The following BDP1 variants were observed in gnomAD, a reference collection of about 807,000 sequenced individuals.
The protein encoded by BDP1 is transcription factor TFIIIB component B'' homolog.
In BDP1, 169 loss-of-function variants were observed where a neutral mutation model predicts 266.6. The ratio of observed to expected loss-of-function variants is 0.63; its 90% CI spans 0.56 to 0.72. BDP1 has a LOEUF of 0.72. Ranked by LOEUF, BDP1 falls within the 30% of genes least tolerant of loss-of-function variation. The pLI is 0.00. For missense variants in BDP1, 3,015 were observed against 3,053.8 expected (o/e 0.99, Z 0.30); for synonymous variants, 1,090 against 1,022.4 (o/e 1.07, Z -1.26).
In BDP1 at chr5:71,567,166, T is replaced by C. The variant is rs1171092695; in HGVS notation, c.*2281T>C. On this transcript the variant is annotated 3_prime_UTR_variant, in exon 39 of 39. Transcript: ENST00000358731. ...TTTTTGTAAGTTTTTAAAACTCATA[T>C]TCTGAAAAGATTTCATTCTCTTAGT... is the stretch of plus-strand genomic sequence containing the variant. The C allele has an allele frequency of 6.6e-6, 1 of 152,222 alleles. No individual in the cohort carries two copies. Among genetic ancestry groups the C allele is most frequent in the Non-Finnish European group, 1.5e-5 (1 of 68,034 alleles). The allele number at this position is 152,222 out of a possible 1,614,324, so 9.4% of individuals were successfully genotyped here. A position where few individuals can be genotyped will look rare whatever the true frequency, so the allele number is the denominator to read the frequency against.
intron 11 of BDP1, 55 bp from the exon 12 acceptor site, chr5:71,495,191 ATTAT>A: frequency 9.4e-7 from 1 of 1,061,976 alleles, no homozygotes; most frequent in East Asian, 2.9e-5. Flanking sequence ...TTTAAAAATA[ATTAT>A]AAAATATATA....
intron 37 of BDP1, 67 bp from the exon 38 acceptor site, chr5:71,562,207 A>C (rs1743713228): frequency 8.7e-7 from 1 of 1,148,348 alleles, no homozygotes; most frequent in Non-Finnish European, 1.1e-6. Context: ...AAAAAAAAAA[A>C]AAAAAAAAAA....
intron 7 of BDP1, among the ~76,000 whole-genome samples, chr5:71,472,886 CTCTTTTTTT>C (rs1441684759): frequency 8.2e-6 from 1 of 121,840 alleles, no homozygotes; most frequent in Non-Finnish European, 1.7e-5. Flanking sequence ...TTCTCTCTCT[CTCTTTTTTT>C]TTTTTTTTTT....
rs1313667739 is a variant in BDP1 at position 71,541,588 on chromosome 5, T to C, written c.6157T>C (p.Ser2053Pro). 1 of 1,612,632 alleles carries C rather than the reference T, an allele frequency of 6.2e-7. No homozygotes were observed. Among genetic ancestry groups the C allele is most frequent in the Non-Finnish European group, 8.5e-7 (1 of 1,179,294 alleles). Reference protein sequence around the residue: ...SSPVITTSPASFEENKIVLEE... With the variant: ...SSPVITTSPAPFEENKIVLEE... ...ACCTGTCATTACTACATCTCCTGCATCATTTGAAGAAAACAAGATTGTATT... is the reference window on the plus strand; with the variant it reads ...ACCTGTCATTACTACATCTCCTGCACCATTTGAAGAAAACAAGATTGTATT... Residue 2053 changes from serine (S) to proline (P), a missense_variant, in exon 29 of 39, where the codon TCA becomes CCA. By Grantham distance (74) the Ser-to-Pro change is moderately conservative. This residue lies in a region of BDP1 where 2,383 missense variants were observed against 2,404.9 expected (regional missense o/e 0.99). Transcript: ENST00000358731.
rs755766982 is a variant in BDP1, at chr5:71,524,122, A to T, written c.5571A>T (p.Glu1857Asp). Residue 1857 changes from glutamate (E) to aspartate (D), a missense_variant, in exon 25 of 39, where the codon GAA becomes GAT. By Grantham distance (45) the Glu-to-Asp change is conservative. This residue lies in a region of BDP1 where 2,383 missense variants were observed against 2,404.9 expected (regional missense o/e 0.99). Transcript: ENST00000358731. ...KRVRGKTSKK[E>D]PRASKAMLVT... is the part of the protein sequence containing the mutation. The stretch of plus-strand genomic sequence containing the variant: ...TTCGGGGTAAGACCTCTAAGAAGGA[A>T]CCTAGAGCTTCCAAGGCCATGCTGG... 1 of 1,614,208 alleles carries T rather than the reference A, an allele frequency of 6.2e-7. No individual in the cohort carries two copies. Among genetic ancestry groups the T allele is most frequent in the Non-Finnish European group, 8.5e-7 (1 of 1,180,038 alleles).
intron 11 of BDP1, 34 bp from the exon 12 acceptor site, chr5:71,495,216 T>G: frequency 1.5e-6 from 2 of 1,356,316 alleles, no homozygotes; most frequent in South Asian, 3.2e-5. Context: ...TCATTAGGAA[T>G]TCTTTTCTCT....
chr5:71,461,955 T>TCC, intron 3 of BDP1, 29 bp downstream of exon 3: 6 of 783,294 alleles, frequency 7.7e-6, no homozygotes, highest in Non-Finnish European at 1.1e-5. Flanking sequence ...TGCTTTACTA[T>TCC]CTCTTTTTTT....
rs1580015239 is a variant in BDP1 at position 71,478,055 on chromosome 5, A to T, written c.1015-5787A>T. Among the ~76,000 whole-genome samples, 3 of 152,196 alleles carry T rather than the reference A, an allele frequency of 2.0e-5. No homozygotes were observed. The South Asian group carries it at 6.2e-4, about 32-fold the overall frequency. On this transcript the variant is annotated intron_variant, in intron 7 of 38. Coordinates refer to ENST00000358731, the MANE Select transcript of BDP1 (RefSeq NM_018429.3). ...CACCTGAGGTTGGGAGTTCGAGACC[A>T]GGCTGACCAACATGGAGGAACCCTG...
intron 24 of BDP1, among the ~76,000 whole-genome samples, chr5:71,523,606 G>A (rs1000313240): frequency 2.6e-5 from 4 of 152,120 alleles, no homozygotes; most frequent in African/African-American, 9.7e-5. Context: ...GAGCTACTGC[G>A]CCCAGCCGGT....
At position 71,567,483 on chromosome 5, in the gene BDP1, A is replaced by G. The variant is rs1378134549; in HGVS notation, c.*2598A>G. 6.6e-6 allele frequency: 1 copy of G among 152,398 alleles called. No individual in the cohort carries two copies. Among genetic ancestry groups the G allele is most frequent in the Non-Finnish European group, 1.5e-5 (1 of 68,036 alleles). 9.4% of individuals were successfully genotyped at this position (152,398 alleles called of 1,614,324 possible). A position where few individuals can be genotyped will look rare whatever the true frequency, so the allele number is the denominator to read the frequency against. On this transcript the variant is annotated 3_prime_UTR_variant, in exon 39 of 39. Transcript: ENST00000358731. ...ATGTTAGGTCTGATTCATGTGAAGA[A>G]GATGTTGCAAAGGATTTATTTCACA...
chr5:71,490,195 A>G (rs1763504749), intron 10 of BDP1, among the ~76,000 whole-genome samples: 1 of 152,142 alleles, frequency 6.6e-6, no homozygotes, highest in South Asian at 2.1e-4. Flanking sequence ...CCTTTCCTTA[A>G]GAGTTCATAT....
At chr5:71,487,445 A>G (rs1561697165) in intron 9 of BDP1, among the ~76,000 whole-genome samples, 1 of 152,064 alleles carries the variant, frequency 6.6e-6, no homozygotes, top group Non-Finnish European at 1.5e-5. Context: ...GGGTTTCACC[A>G]TGTTAGCCAG....
chr5:71,546,297 T>C (rs1042851518), intron 32 of BDP1, among the ~76,000 whole-genome samples: 5 of 152,124 alleles, frequency 3.3e-5, no homozygotes, highest in African/African-American at 1.2e-4. Context: ...CATTTGTTTT[T>C]TTACTCTGTC....
intron 35 of BDP1, 125 bp downstream of exon 35, chr5:71,553,445 A>T (rs1742998283): frequency 1.6e-6 from 1 of 607,244 alleles, no homozygotes; most frequent in Non-Finnish European, 2.7e-6. Context: ...GATAGTTCTG[A>T]CATTTATCAT....
In BDP1 at chr5:71,472,688, T is replaced by G. The variant is rs546056124; in HGVS notation, c.1014+2199T>G. ...GTCTGTCCTATTTTGATATGAGGCT[T>G]ATACTGGTTACAGAAATTGAGCTGA... On this transcript the variant is annotated intron_variant, in intron 7 of 38. Transcript: ENST00000358731. 2.6e-5 allele frequency among the ~76,000 whole-genome samples: 4 copies of G among 152,262 alleles called. No homozygotes were observed. In the East Asian group the frequency reaches 5.8e-4, roughly 22 times the overall value.
At chr5:71,523,319 T>A (rs188553436) in intron 24 of BDP1, among the ~76,000 whole-genome samples, 1 of 152,298 alleles carries the variant, frequency 6.6e-6, no homozygotes, top group Admixed American at 6.5e-5. Context: ...TGGTCCTGTG[T>A]CTTTTTTTGT....
At chr5:71,461,527 C>CT (rs2150346961) in intron 2 of BDP1, among the ~76,000 whole-genome samples, 1 of 152,054 alleles carries the variant, frequency 6.6e-6, no homozygotes, top group Admixed American at 6.6e-5. Flanking sequence ...GGTGGGAGGA[C>CT]TGCTTGAGCT....
intron 25 of BDP1, among the ~76,000 whole-genome samples, chr5:71,528,512 A>G (rs1356448547): frequency 6.6e-6 from 1 of 152,218 alleles, no homozygotes; most frequent in Non-Finnish European, 1.5e-5. Flanking sequence ...AGTGGCAACA[A>G]TAAAAGAAGC....
rs899121380 is a variant in BDP1 at position 71,528,752 on chromosome 5, T to G, written c.5773-3556T>G. Among the ~76,000 whole-genome samples the G allele has an allele frequency of 3.9e-5, 6 of 152,210 alleles. No individual in the cohort carries two copies. The South Asian group carries it at 6.2e-4, about 16-fold the overall frequency. On this transcript the variant is annotated intron_variant, in intron 25 of 38. Transcript: ENST00000358731. ...TAATTTAAATGATGCAAAATGAGGTTGTTTCTTACAATTCAAAGTAAAGAT... is the reference window on the plus strand; with the variant it reads ...TAATTTAAATGATGCAAAATGAGGTGGTTTCTTACAATTCAAAGTAAAGAT...
Sources: gnomAD v4.1 joint callset for allele counts (sites outside exome capture counted in the v4.1 genomes callset) on GRCh38, gnomAD v4.1.1 for gene constraint, gnomAD v4.1.1 regional missense constraint, MANE v1.5 for transcripts, NCBI Gene and HGNC (gene_info 2026-07-23, HGNC 2026-07-21) for gene names.